The following SMARCC1 variants were observed in gnomAD, a reference collection of about 807,000 sequenced individuals.
The protein encoded by SMARCC1 is SWI/SNF complex subunit SMARCC1.
Under a neutral mutation model 147.4 loss-of-function variants are expected in SMARCC1, and 43 were observed. The ratio of observed to expected loss-of-function variants is 0.29; its 90% confidence interval spans 0.23 to 0.38. SMARCC1 has a LOEUF of 0.38. Ranked by LOEUF, SMARCC1 falls within the 10% of genes least tolerant of loss-of-function variation. The pLI, the probability that SMARCC1 is intolerant of heterozygous loss-of-function variation, is 1.00. For synonymous variants in SMARCC1, 495 were observed against 484.4 expected, an observed-to-expected ratio of 1.02 and a Z score of -0.29; for missense variants, 1,119 against 1,381.1, an observed-to-expected ratio of 0.81 and a Z score of 3.01.
chr3:47,602,928 T>A (rs904559810), intron 26 of SMARCC1, among the ~76,000 whole-genome samples: 1 of 152,004 alleles, frequency 6.6e-6, no homozygotes, highest in African/African-American at 2.4e-5. Context: ...GGCGAGAGGA[T>A]CGCGTGAGCT....
At chr3:47,687,123 C>G (rs920671938) in intron 13 of SMARCC1, among the ~76,000 whole-genome samples, 4 of 152,202 alleles carry the variant, frequency 2.6e-5, no homozygotes, top group African/African-American at 7.2e-5. Context: ...AGTGTTACTA[C>G]CTATAACAGT....
intron 14 of SMARCC1, among the ~76,000 whole-genome samples, chr3:47,682,541 G>A (rs1215527687): frequency 6.6e-6 from 1 of 152,138 alleles, no homozygotes; most frequent in African/African-American, 2.4e-5. Flanking sequence ...ACAGACAAGA[G>A]CCATAGCACC....
intron 21 of SMARCC1, among the ~76,000 whole-genome samples, chr3:47,658,599 A>C (rs940655813): frequency 2.0e-5 from 3 of 152,232 alleles, no homozygotes; most frequent in Admixed American, 6.5e-5. Context: ...AAATGTAAAC[A>C]CTTCATTCCT....
intron 25 of SMARCC1, among the ~76,000 whole-genome samples, chr3:47,618,703 G>C (rs1230381146): frequency 2.0e-5 from 3 of 152,306 alleles, no homozygotes; most frequent in African/African-American, 7.2e-5. Context: ...GACAGAAGTG[G>C]AAAGGGGATG....
chr3:47,661,828 A>G (rs1414734720), intron 20 of SMARCC1, among the ~76,000 whole-genome samples: 1 of 152,178 alleles, frequency 6.6e-6, no homozygotes, highest in African/African-American at 2.4e-5. Context: ...CTATGATGTG[A>G]CAAAGTTCTA....
chr3:47,762,010 G>T (rs2034779716), intron 2 of SMARCC1, among the ~76,000 whole-genome samples: 1 of 152,138 alleles, frequency 6.6e-6, no homozygotes. Flanking sequence ...CAGAACTCCT[G>T]ATTTCAGGTA....
intron 24 of SMARCC1, among the ~76,000 whole-genome samples, chr3:47,628,922 C>T (rs911366077): frequency 1.3e-5 from 2 of 152,102 alleles, no homozygotes; most frequent in Non-Finnish European, 2.9e-5. Context: ...ATAAACTGGG[C>T]CTACAACAAG....
rs938702804 is a variant in SMARCC1, at chr3:47,610,279, T to C, written c.2830A>G (p.Met944Val). The C allele has an allele frequency of 2.5e-6, 4 of 1,614,216 alleles. No homozygotes were observed. The highest frequency in any genetic ancestry group is 1.7e-5 in the Admixed American group (1 of 60,022). ...QLLTERQNFH[M>V]EQLKYAELRA... is the part of the protein sequence containing the mutation. ...AATTCAGCATACTTCAGCTGTTCCA[T>C]GTGGAAGTTTTGGCGTTCAGTAAGC... The change falls in exon 26 of 28, where the codon ATG (methionine) becomes GTG (valine). Residue 944 changes from methionine to valine, a missense_variant. This residue lies in a region of SMARCC1 where 42 missense variants were observed against 89.4 expected (regional missense o/e 0.47). Coordinates refer to ENST00000254480, the MANE Select transcript of SMARCC1 (RefSeq NM_003074.4).
rs542633784 is a variant in SMARCC1, at chr3:47,755,719, G to A, written c.316-9726C>T. Among the ~76,000 whole-genome samples the A allele has an allele frequency of 1.2e-3, 177 of 149,066 alleles. 1 individual carries two copies. The highest frequency in any genetic ancestry group is 2.9e-3 in the African/African-American group (118 of 40,650). The stretch of plus-strand genomic sequence containing the variant: ...TAAAAATACAAAAAATAGGCCAGGC[G>A]CGGTGGCTCATGTCTGTAATCCCAG... On this transcript the variant is annotated intron_variant, in intron 2 of 27. Transcript: ENST00000254480.
intron 26 of SMARCC1, among the ~76,000 whole-genome samples, chr3:47,595,352 C>G (rs892005528): frequency 4.6e-5 from 7 of 152,020 alleles, no homozygotes; most frequent in Non-Finnish European, 7.4e-5. Flanking sequence ...TGTTGAAACC[C>G]CATCTCTACT....
At chr3:47,602,224 C>A (rs528055723) in intron 26 of SMARCC1, among the ~76,000 whole-genome samples, 1 of 152,154 alleles carries the variant, frequency 6.6e-6, no homozygotes, top group Admixed American at 6.5e-5. Context: ...CCCAGGAATT[C>A]GAGGCTGCAG....
Position 47,585,511 on chromosome 3 carries a change from C to T in SMARCC1, c.*2698G>A, listed in dbSNP as rs973837001. On this transcript the variant is annotated 3_prime_UTR_variant, in exon 28 of 28. Transcript: ENST00000254480. The stretch of plus-strand genomic sequence containing the variant: ...GCACAGGGTTTATATCTGTGAGTAC[C>T]CAAAAGCTGTCCCCCAAGGTTCACA... The T allele has an allele frequency of 1.3e-5, 2 of 152,120 alleles. No homozygotes were observed. Among genetic ancestry groups the T allele is most frequent in the Non-Finnish European group, 2.9e-5 (2 of 68,028 alleles). The allele number at this position is 152,120 out of a possible 1,614,324, so 9.4% of individuals were successfully genotyped here. A position where few individuals can be genotyped will look rare whatever the true frequency, so the allele number is the denominator to read the frequency against.
Position 47,755,421 on chromosome 3 carries a change from C to T in SMARCC1, c.316-9428G>A, listed in dbSNP as rs988920210. Among the ~76,000 whole-genome samples, 5 of 148,444 alleles carry T rather than the reference C, an allele frequency of 3.4e-5. No homozygotes were observed. The East Asian group carries it at 1.0e-3, about 30-fold the overall frequency. On this transcript the variant is annotated intron_variant, in intron 2 of 27. Coordinates refer to ENST00000254480, the MANE Select transcript of SMARCC1 (RefSeq NM_003074.4). ...CTGAGGCAGGAGAATGGCGTGAACC[C>T]GGGAGGCAGAGCTTGCAGTGAGCTG...
At chr3:47,757,463 G>T (rs997943881) in intron 2 of SMARCC1, among the ~76,000 whole-genome samples, 1 of 151,936 alleles carries the variant, frequency 6.6e-6, no homozygotes, top group South Asian at 2.1e-4. Flanking sequence ...AGATTCCAAG[G>T]ATTGGTGAGA....
At chr3:47,753,337 A>AAG (rs1481402287) in intron 2 of SMARCC1, among the ~76,000 whole-genome samples, 1 of 151,246 alleles carries the variant, frequency 6.6e-6, no homozygotes, top group East Asian at 1.9e-4. Flanking sequence ...AAAAAAAAAA[A>AAG]AAAAGAAGAA....
intron 2 of SMARCC1, among the ~76,000 whole-genome samples, chr3:47,770,961 G>C (rs542134655): frequency 2.2e-4 from 34 of 152,034 alleles, no homozygotes; most frequent in African/African-American, 5.5e-4. Flanking sequence ...GCCCAGGCCG[G>C]AGGCAGTGGC....
At chr3:47,750,088 A>AG (rs1246316417) in intron 2 of SMARCC1, among the ~76,000 whole-genome samples, 4 of 94,980 alleles carry the variant, frequency 4.2e-5, no homozygotes, top group Non-Finnish European at 1.0e-4. Flanking sequence ...TCTCAAAAAA[A>AG]AAAAAAAGAA....
chr3:47,685,602 G>A (rs1479629695), intron 14 of SMARCC1, among the ~76,000 whole-genome samples: 1 of 150,700 alleles, frequency 6.6e-6, no homozygotes, highest in African/African-American at 2.4e-5. Context: ...GCTCACGCCT[G>A]TAATCCCAGC....
Position 47,738,183 on chromosome 3 carries a change from C to T in SMARCC1, c.402-73G>A, listed in dbSNP as rs1045927743. The T allele has an allele frequency of 2.3e-4, 205 of 908,492 alleles. 1 individual carries two copies. The East Asian group carries it at 4.9e-3, about 22-fold the overall frequency. 56.3% of individuals were successfully genotyped at this position (908,492 alleles called of 1,614,324 possible). On this transcript the variant is annotated intron_variant, in intron 3 of 27. Transcript: ENST00000254480. ...CAAATGAAAACTTGGTTTTAGAATT[C>T]GATGCAAATGAGTTAGAAAGATTTG...
Sources: gnomAD v4.1 joint callset for allele counts (sites outside exome capture counted in the v4.1 genomes callset) on GRCh38, gnomAD v4.1.1 for gene constraint, gnomAD v4.1.1 regional missense constraint, MANE v1.5 for transcripts, NCBI Gene and HGNC (gene_info 2026-07-23, HGNC 2026-07-21) for gene names.